Variants in PLXNB1 observed in about 807,000 individuals in gnomAD.
PLXNB1 encodes plexin-B1.
Under a neutral mutation model 209.4 loss-of-function variants are expected in PLXNB1, and 106 were observed. That is an observed-to-expected ratio of 0.51 (90% CI 0.43 to 0.59). The LOEUF is 0.59. Ranked by LOEUF, PLXNB1 falls within the 20% of genes least tolerant of loss-of-function variation. The probability of loss-of-function intolerance (pLI) is 0.00; values close to 1 mark genes in which losing one functional copy is unlikely to be tolerated. For synonymous variants in PLXNB1, 1,167 were observed against 1,183.2 expected, an observed-to-expected ratio of 0.99 and a Z score of 0.28; for missense variants, 2,357 against 2,853.2, an observed-to-expected ratio of 0.83 and a Z score of 3.96.
intron 1 of PLXNB1, among the ~76,000 whole-genome samples, chr3:48,425,805 A>AACACACACACACAC (rs1166591503): frequency 1.2e-4 from 17 of 145,382 alleles, no homozygotes; most frequent in African/African-American, 3.8e-4. Flanking sequence ...ATATGCCTAC[A>AACACACACACACAC]ACACACACAC....
rs2106810360 is a variant in PLXNB1, at chr3:48,413,202, A to G, written c.4536-33T>C. The stretch of plus-strand genomic sequence containing the variant: ...GCCCCAGGGTCAGGAGAGGATGGCC[A>G]GATGAGTCCTACTCGCCCAGGCCTG... On this transcript the variant is annotated intron_variant, in intron 23 of 37. Transcript: ENST00000296440. The surrounding 1 kb of genome is among the most constrained non-coding windows in gnomAD (Gnocchi z 5.4). 6.5e-7 allele frequency: 1 copy of G among 1,543,624 alleles called. No individual in the cohort carries two copies. Among genetic ancestry groups the G allele is most frequent in the South Asian group, 1.1e-5 (1 of 89,790 alleles).
Position 48,421,700 on chromosome 3 carries a change from T to A in PLXNB1, c.1627A>T (p.Asn543Tyr), listed in dbSNP as rs1479353835. The change falls in exon 7 of 38, where the codon AAC becomes TAC. Residue 543 changes from asparagine (N) to tyrosine (Y), a missense_variant. Transcript: ENST00000296440. ...CLQVAAMSPANISREETREVF... is the reference protein window; with the variant it reads ...CLQVAAMSPAYISREETREVF... The stretch of plus-strand genomic sequence containing the variant: ...TCCCTCGTCTCCTCTCGGCTGATGT[T>A]GGCAGGACTCATGGCTGCCACTTGC... 2 of 1,608,904 alleles carry A rather than the reference T, an allele frequency of 1.2e-6. No individual in the cohort carries two copies. The highest frequency in any genetic ancestry group is 4.5e-5 in the East Asian group (2 of 44,718).
At position 48,425,303 on chromosome 3, in the gene PLXNB1, G is replaced by A. The variant is rs2038826355; in HGVS notation, c.-29C>T. On this transcript the variant is annotated 5_prime_UTR_variant, in exon 2 of 38. Transcript: ENST00000296440. ...CACCTGGCAGGGCCGGCTGGATCAG[G>A]AGACAACAGCATGACCCGTGTGGGA... 6.6e-6 allele frequency: 1 copy of A among 152,318 alleles called. No homozygotes were observed. The highest frequency in any genetic ancestry group is 2.1e-4 in the South Asian group (1 of 4,828). 9.4% of individuals were successfully genotyped at this position (152,318 alleles called of 1,614,324 possible).
rs754502804 is a variant in PLXNB1 at position 48,423,709 on chromosome 3, T to A, written c.903A>T (p.Ala301=). 5 of 1,613,158 alleles carry A rather than the reference T, an allele frequency of 3.1e-6. No individual in the cohort carries two copies. The highest frequency in any genetic ancestry group is 1.7e-5 in the Admixed American group (1 of 59,966). Residue 301 remains alanine, a synonymous_variant, in exon 3 of 38, where the codon GCA becomes GCT. Coordinates refer to ENST00000296440, the MANE Select transcript of PLXNB1 (RefSeq NM_001130082.3). The part of the protein sequence containing the change: ...EVLFAAFSSA[A]PPTVGRPPSA... ...ATGGGGGCCGGCCCACAGTGGGGGG[T>A]GCAGCCGAGGAGAAAGCTGCAAAGA...
chr3:48,412,209 A>G (rs745451270), intron 27 of PLXNB1, 29 bp downstream of exon 27: 1 of 1,610,518 alleles, frequency 6.2e-7, no homozygotes, highest in Non-Finnish European at 8.5e-7. Context: ...CTCCCTGGAC[A>G]GGAGCCCTGT....
Position 48,410,043 on chromosome 3 carries a change from GC to G in PLXNB1, c.5639del (p.Gly1880AlafsTer8). The G allele has an allele frequency of 6.2e-7, 1 of 1,608,076 alleles. No homozygotes were observed. Among genetic ancestry groups the G allele is most frequent in the Non-Finnish European group, 8.5e-7 (1 of 1,176,518 alleles). On this transcript the variant is annotated frameshift_variant, in exon 32 of 38. Coordinates refer to ENST00000296440, the MANE Select transcript of PLXNB1 (RefSeq NM_001130082.3). LOFTEE classifies it high-confidence loss of function. The surrounding 1 kb of genome is among the most constrained non-coding windows in gnomAD (Gnocchi z 6.4). ...TPMLEDVDEG[G>X]IRPWHLVKPS... ...GCTTCACCAGGTGCCAGGGCCGGAT[GC>G]CCCCCTCATCTACATCCTCCAGCAT... is the stretch of plus-strand genomic sequence containing the variant.
At chr3:48,426,687 G>A (rs1305319272) in intron 1 of PLXNB1, among the ~76,000 whole-genome samples, 2 of 152,318 alleles carry the variant, frequency 1.3e-5, no homozygotes, top group East Asian at 1.9e-4. Context: ...CACTGCTCCC[G>A]AAATAGCTTG....
rs2037324395 is a variant in PLXNB1 at position 48,406,527 on chromosome 3, G to A, written c.6228+296C>T. 1 of 975,794 alleles carries A rather than the reference G, an allele frequency of 1.0e-6. No individual in the cohort carries two copies. Among genetic ancestry groups the A allele is most frequent in the Admixed American group, 6.1e-5 (1 of 16,262 alleles). The allele number at this position is 975,794 out of a possible 1,614,324, so 60.4% of individuals were successfully genotyped here. A position where few individuals can be genotyped will look rare whatever the true frequency, so the allele number is the denominator to read the frequency against. ...GAAGCACAGCAGTGGGAAGACGCAT[G>A]CAGGCAGACCCAGGCAGGCCTGGGG... On this transcript the variant is annotated intron_variant, in intron 36 of 37. Transcript: ENST00000296440. This position sits in a 1 kb window ranked among gnomAD's most constrained non-coding sequence, Gnocchi z 4.4.
chr3:48,419,302 A>G lies in PLXNB1; in HGVS notation c.2774T>C (p.Met925Thr). 1 of 1,599,136 alleles carries G rather than the reference A, an allele frequency of 6.3e-7. No homozygotes were observed. Among genetic ancestry groups the G allele is most frequent in the South Asian group, 1.1e-5 (1 of 90,012 alleles). Reference protein sequence around the residue: ...CVESVQGSTLMPVHVEREIRL... With the variant: ...CVESVQGSTLTPVHVEREIRL... ...GATTTCCCGCTCCACATGGACCGGC[A>G]TCAACGTGGAGCCCTGAACGCTCTC... The change falls in exon 12 of 38, where the codon ATG becomes ACG. Residue 925 changes from methionine to threonine, a missense_variant. Transcript: ENST00000296440. The surrounding 1 kb of genome is among the most constrained non-coding windows in gnomAD (Gnocchi z 5.7).
Position 48,418,560 on chromosome 3 carries a change from G to T in PLXNB1, c.2956-18C>A, listed in dbSNP as rs372942470. The T allele has an allele frequency of 6.7e-5, 105 of 1,571,820 alleles. No individual in the cohort carries two copies. The African/African-American group carries it at 1.3e-3, about 20-fold the overall frequency. ...TAGCTGAGCTGGAGAAATGGGAGTG[G>T]GTTCAGAGTCAAGCACTGGGGGAAG... On this transcript the variant is annotated intron_variant, in intron 13 of 37. Transcript: ENST00000296440. The surrounding 1 kb of genome is among the most constrained non-coding windows in gnomAD (Gnocchi z 6.6).
intron 1 of PLXNB1, among the ~76,000 whole-genome samples, chr3:48,427,292 C>A (rs1207669784): frequency 6.6e-6 from 1 of 152,144 alleles, no homozygotes; most frequent in Non-Finnish European, 1.5e-5. Context: ...CTGACCCACT[C>A]CAGGGAAAGT....
At position 48,415,379 on chromosome 3, in the gene PLXNB1, G is replaced by A. The variant is rs2038014439; in HGVS notation, c.3795-32C>T. ...CAGACCGTGAGCTTACGTAACGTAA[G>A]ATGGCTTATGTTACCTGGACCTAAA... On this transcript the variant is annotated intron_variant, in intron 19 of 37. Transcript: ENST00000296440. The surrounding 1 kb of genome is among the most constrained non-coding windows in gnomAD (Gnocchi z 5.0). 6.2e-7 allele frequency: 1 copy of A among 1,602,754 alleles called. No homozygotes were observed. The highest frequency in any genetic ancestry group is 1.1e-5 in the South Asian group (1 of 90,330).
intron 1 of PLXNB1, among the ~76,000 whole-genome samples, chr3:48,426,203 C>T (rs1169682731): frequency 2.6e-5 from 4 of 152,222 alleles, no homozygotes; most frequent in Non-Finnish European, 4.4e-5. Flanking sequence ...CCATGCCTGG[C>T]TGTTCCCAGG....
At chr3:48,424,684 A>G (rs2106987914) in intron 2 of PLXNB1, 67 bp from the exon 3 acceptor site, 1 of 1,472,636 alleles carries the variant, frequency 6.8e-7, no homozygotes, top group East Asian at 2.5e-5. Context: ...GGCCACTGGT[A>G]AGGGATAGGA....
chr3:48,427,144 T>A (rs937627912), intron 1 of PLXNB1, among the ~76,000 whole-genome samples: 1 of 152,056 alleles, frequency 6.6e-6, no homozygotes, highest in African/African-American at 2.4e-5. Context: ...CAAAACTGCA[T>A]TGATGCATGA....
rs142481656 is a variant in PLXNB1 at position 48,418,314 on chromosome 3, T to C, written c.3099A>G (p.Gln1033=). The part of the protein sequence containing the change: ...SVGHGDCSRC[Q]TAMPQYGCVW... Reference sequence around the variant, plus strand: ...CACAGCCATACTGGGGCATGGCAGTTTGGCAGCGGCTGCAGTCTCCATGTC... The same window carrying C: ...CACAGCCATACTGGGGCATGGCAGTCTGGCAGCGGCTGCAGTCTCCATGTC... Residue 1033 remains glutamine, a synonymous_variant, in exon 15 of 38, where the codon CAA becomes CAG. Transcript: ENST00000296440. The surrounding 1 kb of genome is among the most constrained non-coding windows in gnomAD (Gnocchi z 6.6). 92 of 1,613,718 alleles carry C rather than the reference T, an allele frequency of 5.7e-5. No homozygotes were observed. The African/African-American group carries it at 1.2e-3, about 21-fold the overall frequency.
In PLXNB1 at chr3:48,416,281, G is replaced by A; in HGVS notation, c.3480+65C>T. Reference sequence around the variant, plus strand: ...AGCCCCACCAAGGAATAACCAGATGGGTTGAGAGGAGCCACCAGAGAGGTT... The same window carrying A: ...AGCCCCACCAAGGAATAACCAGATGAGTTGAGAGGAGCCACCAGAGAGGTT... On this transcript the variant is annotated intron_variant, in intron 17 of 37. Coordinates refer to ENST00000296440, the MANE Select transcript of PLXNB1 (RefSeq NM_001130082.3). This position sits in a 1 kb window ranked among gnomAD's most constrained non-coding sequence, Gnocchi z 4.1. 6 of 1,557,692 alleles carry A rather than the reference G, an allele frequency of 3.9e-6. No homozygotes were observed. Among genetic ancestry groups the A allele is most frequent in the Non-Finnish European group, 2.6e-6 (3 of 1,135,304 alleles).
At position 48,411,988 on chromosome 3, in the gene PLXNB1, A is replaced by G; in HGVS notation, c.5122T>C (p.Tyr1708His). ...TGCTTAATCCCTCGAAAGAGCATGT[A>G]CAGAGGCTCCCCTACGGAGTCCTAG... ...FVRDSVGEPL[Y>H]MLFRGIKHQV... Residue 1708 changes from tyrosine (Y) to histidine (H), a missense_variant, in exon 28 of 38, where the codon TAC (tyrosine) becomes CAC (histidine). Tyr to His is a moderately conservative substitution (Grantham distance 83, BLOSUM62 2). Transcript: ENST00000296440. This position sits in a 1 kb window ranked among gnomAD's most constrained non-coding sequence, Gnocchi z 4.0. The G allele has an allele frequency of 6.2e-7, 1 of 1,614,074 alleles. No homozygotes were observed. The highest frequency in any genetic ancestry group is 8.5e-7 in the Non-Finnish European group (1 of 1,180,000).
At position 48,413,405 on chromosome 3, in the gene PLXNB1, G is replaced by A. The variant is rs140814528; in HGVS notation, c.4536-236C>T. The A allele has an allele frequency of 7.5e-5, 45 of 602,472 alleles. No homozygotes were observed. The East Asian group carries it at 1.2e-3, about 17-fold the overall frequency. The allele number at this position is 602,472 out of a possible 1,614,324, so 37.3% of individuals were successfully genotyped here. ...CTAGAGATCAGCCAACCACAACCAGGCCAAATCCATCCCACAACCTATTTT... is the reference window on the plus strand; with the variant it reads ...CTAGAGATCAGCCAACCACAACCAGACCAAATCCATCCCACAACCTATTTT... On this transcript the variant is annotated intron_variant, in intron 23 of 37. Coordinates refer to ENST00000296440, the MANE Select transcript of PLXNB1 (RefSeq NM_001130082.3). The surrounding 1 kb of genome is among the most constrained non-coding windows in gnomAD (Gnocchi z 5.4).
Sources: allele counts gnomAD v4.1 joint callset (sites outside exome capture counted in the v4.1 genomes callset), GRCh38; gene constraint gnomAD v4.1.1; non-coding constraint Gnocchi (gnomAD v3.1); transcripts MANE v1.5; gene names NCBI Gene and HGNC (gene_info 2026-07-23, HGNC 2026-07-21).